The following ITGAL variants were observed in gnomAD, a reference collection of about 807,000 sequenced individuals.
ITGAL encodes integrin alpha-L.
Under a neutral mutation model 138.4 loss-of-function variants are expected in ITGAL, and 68 were observed. That is an observed-to-expected ratio of 0.49 (90% CI 0.40 to 0.60). The LOEUF (loss-of-function observed/expected upper bound fraction) is 0.60. Among genes scored for constraint, ITGAL ranks in the 20% least tolerant of loss-of-function variants. The pLI, the probability that ITGAL is intolerant of heterozygous loss-of-function variation, is 0.00. For missense variants in ITGAL, 1,256 were observed against 1,478.6 expected (o/e 0.85, Z 2.47); for synonymous variants, 561 against 584.3 (o/e 0.96, Z 0.57).
chr16:30,502,532 A>G (rs2050918879), intron 17 of ITGAL, among the ~76,000 whole-genome samples: 1 of 151,636 alleles, frequency 6.6e-6, no homozygotes, highest in Non-Finnish European at 1.5e-5. Flanking sequence ...GGATCACTTG[A>G]GGTCAGGAGT....
At chr16:30,482,869 C>T (rs1408794975) in intron 7 of ITGAL, among the ~76,000 whole-genome samples, 1 of 152,010 alleles carries the variant, frequency 6.6e-6, no homozygotes, top group Non-Finnish European at 1.5e-5. Context: ...CTCTGTTGCC[C>T]AGGCTGGAGC....
Position 30,517,532 on chromosome 16 carries a change from G to A in ITGAL, c.2977-117G>A, listed in dbSNP as rs891353325. 1.0e-5 allele frequency: 8 copies of A among 803,390 alleles called. No individual in the cohort carries two copies. In the African/African-American group the frequency reaches 1.2e-4, roughly 12 times the overall value. 49.8% of individuals were successfully genotyped at this position (803,390 alleles called of 1,614,324 possible). On this transcript the variant is annotated intron_variant, in intron 26 of 30. Coordinates refer to ENST00000356798, the MANE Select transcript of ITGAL (RefSeq NM_002209.3). ...AGGATGGATGAATTCAGGTCCTGCT[G>A]GACTCAGAGATGTCTGAACTCACCC...
rs199800993 is a variant in ITGAL, at chr16:30,510,977, C to G, written c.2699+17C>G. On this transcript the variant is annotated intron_variant, in intron 23 of 30. Coordinates refer to ENST00000356798, the MANE Select transcript of ITGAL (RefSeq NM_002209.3). The stretch of plus-strand genomic sequence containing the variant: ...TGTGACCTGGTGAGCAGGCCCCGCC[C>G]ACATCCCTGCCATGGTCTCAGACCT... 2.9e-5 allele frequency: 46 copies of G among 1,613,664 alleles called. No homozygotes were observed. In the Admixed American group the frequency reaches 3.5e-4, roughly 12 times the overall value.
At chr16:30,484,087 G>C (rs757755111) in intron 8 of ITGAL, 26 bp from the exon 9 acceptor site, 1 of 1,606,848 alleles carries the variant, frequency 6.2e-7, no homozygotes, top group Non-Finnish European at 8.5e-7. Flanking sequence ...GGGGATTTCA[G>C]CTCTTCACTC....
At chr16:30,513,480 G>A (rs2051120239) in intron 24 of ITGAL, among the ~76,000 whole-genome samples, 1 of 152,198 alleles carries the variant, frequency 6.6e-6, no homozygotes. Context: ...GATGAGCAGG[G>A]CCCAGAGGAC....
chr16:30,517,849 T>A lies in ITGAL; in HGVS notation c.3086T>A (p.Ile1029Asn). 6.2e-7 allele frequency: 1 copy of A among 1,614,142 alleles called. No homozygotes were observed. Among genetic ancestry groups the A allele is most frequent in the South Asian group, 1.1e-5 (1 of 91,078 alleles). The stretch of plus-strand genomic sequence containing the variant: ...TGCCCTGTTGTCTTCAGGCAGGAGA[T>A]CCTCGTCCAAGTGATCGGGACTCTG... ...FRCPVVFRQE[I>N]LVQVIGTLEL... The change falls in exon 28 of 31, where the codon ATC (isoleucine) becomes AAC (asparagine). Residue 1029 changes from isoleucine to asparagine, a missense_variant. Coordinates refer to ENST00000356798, the MANE Select transcript of ITGAL (RefSeq NM_002209.3).
chr16:30,500,474 T>C (rs1208283863), intron 17 of ITGAL, among the ~76,000 whole-genome samples: 1 of 152,070 alleles, frequency 6.6e-6, no homozygotes, highest in Non-Finnish European at 1.5e-5. Flanking sequence ...TTGCCTCAGC[T>C]TCCTGAGTAG....
rs554990280 is a variant in ITGAL at position 30,518,479 on chromosome 16, T to A, written c.3133-145T>A. 4.3e-5 allele frequency: 25 copies of A among 578,332 alleles called. No homozygotes were observed. In the South Asian group the frequency reaches 5.2e-4, roughly 12 times the overall value. The allele number at this position is 578,332 out of a possible 1,614,324, so 35.8% of individuals were successfully genotyped here. On this transcript the variant is annotated intron_variant, in intron 28 of 30. Coordinates refer to ENST00000356798, the MANE Select transcript of ITGAL (RefSeq NM_002209.3). ...AAAAAAAAAAATAGAAAGAAAAGAA[T>A]GCCACAATAGAGAGTTGTGTAGAGA...
chr16:30,485,829 C>T lies in ITGAL; in HGVS notation c.1006+1566C>T, dbSNP rs1468094986. On this transcript the variant is annotated intron_variant, in intron 9 of 30. Transcript: ENST00000356798. Reference sequence around the variant, plus strand: ...GATTACAGGCGTGAGCCACTGCACCCGGCCCTCTCTGATATTTCTTTCTGA... The same window carrying T: ...GATTACAGGCGTGAGCCACTGCACCTGGCCCTCTCTGATATTTCTTTCTGA... Among the ~76,000 whole-genome samples, 4 of 152,266 alleles carry T rather than the reference C, an allele frequency of 2.6e-5. No homozygotes were observed. The South Asian group carries it at 6.2e-4, about 24-fold the overall frequency.
intron 4 of ITGAL, chr16:30,477,120 T>A (rs957054431): frequency 6.6e-6 from 1 of 152,228 alleles, no homozygotes; most frequent in African/African-American, 2.4e-5. Flanking sequence ...CTCCAACTTA[T>A]CCCAGCCAGC....
At chr16:30,507,941 C>T (rs1171211809) in intron 21 of ITGAL, among the ~76,000 whole-genome samples, 1 of 151,904 alleles carries the variant, frequency 6.6e-6, no homozygotes, top group Non-Finnish European at 1.5e-5. Flanking sequence ...CGGGGTCTCG[C>T]TCTGTCACCC....
chr16:30,475,645 AAAG>A (rs772394656), intron 4 of ITGAL, 65 bp downstream of exon 4: 34 of 1,278,514 alleles, frequency 2.7e-5, no homozygotes, highest in South Asian at 1.2e-4. Flanking sequence ...TGAGAGAAGA[AAAG>A]AAGAAGAATG....
rs142881468 is a variant in ITGAL, at chr16:30,508,979, C to T, written c.2509-1382C>T. 6.6e-5 allele frequency among the ~76,000 whole-genome samples: 10 copies of T among 152,100 alleles called. No individual in the cohort carries two copies. In the East Asian group the frequency reaches 1.9e-3, roughly 29 times the overall value. ...ATCATCTGAGGTCATGAGTTCAAAACCAGACGGGGCAACATGGTGAAACCC... is the reference window on the plus strand; with the variant it reads ...ATCATCTGAGGTCATGAGTTCAAAATCAGACGGGGCAACATGGTGAAACCC... On this transcript the variant is annotated intron_variant, in intron 21 of 30. Transcript: ENST00000356798.
At chr16:30,519,833 G>A in intron 29 of ITGAL, 24 bp from the exon 30 acceptor site, 1 of 1,533,070 alleles carries the variant, frequency 6.5e-7, no homozygotes, top group Non-Finnish European at 9.0e-7. Context: ...GCATTTTCCG[G>A]CACTCCCCTC....
intron 11 of ITGAL, among the ~76,000 whole-genome samples, chr16:30,490,652 A>G (rs956823706): frequency 2.6e-5 from 4 of 152,084 alleles, no homozygotes; most frequent in African/African-American, 9.7e-5. Flanking sequence ...ACACCTATAT[A>G]TTAAATCCCA....
intron 5 of ITGAL, 57 bp from the exon 6 acceptor site, chr16:30,479,274 T>C: frequency 1.2e-6 from 2 of 1,613,270 alleles, no homozygotes; most frequent in South Asian, 1.1e-5. Flanking sequence ...AGAACCAGCA[T>C]GGGCAGGTCA....
intron 7 of ITGAL, among the ~76,000 whole-genome samples, chr16:30,482,575 G>A (rs2050576321): frequency 6.6e-6 from 1 of 152,126 alleles, no homozygotes; most frequent in Non-Finnish European, 1.5e-5. Context: ...GGGCCAGTTA[G>A]AAGGCTACTG....
At chr16:30,478,054 A>C (rs951686954) in intron 4 of ITGAL, among the ~76,000 whole-genome samples, 3 of 150,336 alleles carry the variant, frequency 2.0e-5, no homozygotes, top group African/African-American at 7.3e-5. Context: ...AAGAAAGAAA[A>C]GGCTGGGTGC....
At position 30,494,748 on chromosome 16, in the gene ITGAL, C is replaced by T. The variant is rs139818386; in HGVS notation, c.1401C>T (p.Val467=). 6.4e-5 allele frequency: 104 copies of T among 1,612,722 alleles called. 2 individuals are homozygous for T. Among genetic ancestry groups the T allele is most frequent in the African/African-American group, 4.9e-4 (37 of 74,826 alleles). The change falls in exon 13 of 31, where the codon GTC becomes GTT. Residue 467 remains valine (V), a synonymous_variant. Coordinates refer to ENST00000356798, the MANE Select transcript of ITGAL (RefSeq NM_002209.3). The surrounding 1 kb of genome is among the most constrained non-coding windows in gnomAD (Gnocchi z 4.2). ...GSYFGGELCG[V]DVDQDGETEL... ...ATTTCGGTGGGGAGCTGTGTGGCGT[C>T]GACGTGGACCAAGATGGGGAGACAG...
Sources: gnomAD v4.1 joint callset for allele counts (sites outside exome capture counted in the v4.1 genomes callset) on GRCh38, gnomAD v4.1.1 for gene constraint, Gnocchi (gnomAD v3.1) non-coding constraint, MANE v1.5 for transcripts, NCBI Gene and HGNC (gene_info 2026-07-23, HGNC 2026-07-21) for gene names.